Variants in JADE1 observed in about 807,000 individuals in gnomAD.
JADE1 encodes the protein protein Jade-1.
Under a neutral mutation model 81.8 loss-of-function variants are expected in JADE1, and 14 were observed. The observed-to-expected ratio is 0.17, with a 90% CI of 0.11 to 0.27. The LOEUF (loss-of-function observed/expected upper bound fraction) is 0.27, where lower values mean the gene tolerates loss of function less well. JADE1 is among the 10% of genes least tolerant of loss of function. The pLI, the probability that JADE1 is intolerant of heterozygous loss-of-function variation, is 1.00. For missense variants in JADE1, 690 were observed against 1,047.9 expected, an observed-to-expected ratio of 0.66 and a Z score of 4.71; for synonymous variants, 353 against 391.9, an observed-to-expected ratio of 0.90 and a Z score of 1.17.
At chr4:128,810,454 T>G (rs1264879068) in intron 1 of JADE1, 7 of 131,794 alleles carry the variant, frequency 5.3e-5, no homozygotes, top group African/African-American at 2.4e-4. Flanking sequence ...TTATAGGTTT[T>G]TTTTTTTTTT....
In JADE1 at chr4:128,852,228, A is replaced by C; in HGVS notation, c.656A>C (p.Glu219Ala). 6.2e-7 allele frequency: 1 copy of C among 1,614,148 alleles called. No homozygotes were observed. ...CQSPDGEDGN[E>A]MVFCDKCNIC... ...TCTCCTGATGGTGAGGACGGCAATG[A>C]GATGGTGTTCTGTGACAAATGCAAC... Residue 219 changes from glutamate to alanine, a missense_variant, in exon 6 of 11, where the codon GAG becomes GCG. Around this residue, in one of 8 missense-constraint regions of JADE1, gnomAD observed 84 missense variants for 226.6 expected, o/e 0.37. Coordinates refer to ENST00000226319, the MANE Select transcript of JADE1 (RefSeq NM_199320.4).
chr4:128,850,413 GGCTTGCA>G (rs1412287283), intron 5 of JADE1, among the ~76,000 whole-genome samples: 1 of 152,186 alleles, frequency 6.6e-6, no homozygotes, highest in African/African-American at 2.4e-5. Flanking sequence ...CATAGGGTGT[GGCTTGCA>G]GTAGATGCTT....
At chr4:128,826,004 C>T (rs1489883231) in intron 1 of JADE1, among the ~76,000 whole-genome samples, 2 of 152,214 alleles carry the variant, frequency 1.3e-5, no homozygotes, top group African/African-American at 2.4e-5. Flanking sequence ...GGCCAGTGGC[C>T]TTTCCAGGCA....
rs1169982129 is a variant in JADE1, at chr4:128,842,124, T to TACCTCCC, written c.53-828_53-822dup. Among the ~76,000 whole-genome samples the TACCTCCC allele has an allele frequency of 1.1e-3, 168 of 152,326 alleles. 7 individuals carry two copies. Among genetic ancestry groups the TACCTCCC allele is most frequent in the Admixed American group, 0.011 (163 of 15,300 alleles). On this transcript the variant is annotated intron_variant, in intron 2 of 10. Transcript: ENST00000226319. ...CCCCTTAGTCTTCACTAAGTTTGTT[T>TACCTCCC]ACCTCCCGTCCTCTCTTCTTATGGC...
chr4:128,859,439 G>A (rs1415114774), intron 8 of JADE1, among the ~76,000 whole-genome samples: 1 of 151,810 alleles, frequency 6.6e-6, no homozygotes, highest in Non-Finnish European at 1.5e-5. Flanking sequence ...ATGTATGCAT[G>A]TGTGTATGCG....
intron 1 of JADE1, among the ~76,000 whole-genome samples, chr4:128,818,411 A>G (rs1050512343): frequency 2.0e-5 from 3 of 152,114 alleles, no homozygotes; most frequent in Admixed American, 6.5e-5. Context: ...GTGAGCCACC[A>G]TGGCCGGCCA....
chr4:128,836,169 A>G (rs1313607532), intron 2 of JADE1, among the ~76,000 whole-genome samples: 3 of 152,132 alleles, frequency 2.0e-5, no homozygotes, highest in Admixed American at 1.3e-4. Context: ...TCCACTAACT[A>G]CTTTCAGTAC....
At position 128,873,102 on chromosome 4, in the gene JADE1, A is replaced by G. The variant is rs546166975; in HGVS notation, c.*840A>G. 147 of 320,864 alleles carry G rather than the reference A, an allele frequency of 4.6e-4. No individual in the cohort carries two copies. The highest frequency in any genetic ancestry group is 2.1e-3 in the Middle Eastern group (2 of 970). The allele number at this position is 320,864 out of a possible 1,614,324, so 19.9% of individuals were successfully genotyped here. A position where few individuals can be genotyped will look rare whatever the true frequency, so the allele number is the denominator to read the frequency against. On this transcript the variant is annotated 3_prime_UTR_variant, in exon 11 of 11. Coordinates refer to ENST00000226319, the MANE Select transcript of JADE1 (RefSeq NM_199320.4). Reference sequence around the variant, plus strand: ...CTTGGGATTTCCCTGGCCATTGCCAATACCTGGCCATCTGGCTTCCAATAG... The same window carrying G: ...CTTGGGATTTCCCTGGCCATTGCCAGTACCTGGCCATCTGGCTTCCAATAG...
intron 8 of JADE1, among the ~76,000 whole-genome samples, chr4:128,860,839 C>T (rs555562131): frequency 2.3e-4 from 35 of 152,308 alleles, no homozygotes; most frequent in African/African-American, 4.3e-4. Context: ...GGATCTTTCA[C>T]GGTTCTCCTG....
At chr4:128,868,087 TAGACGTTCATATTTAA>T (rs1232651476) in intron 10 of JADE1, 114 bp downstream of exon 10, 6 of 572,954 alleles carry the variant, frequency 1.0e-5, no homozygotes, top group Non-Finnish European at 1.9e-5. Context: ...TTAAGAAGCA[TAGACGTTCATATTTAA>T]AGGAAGTCTT....
chr4:128,859,870 T>C (rs756539627), intron 8 of JADE1, among the ~76,000 whole-genome samples: 23 of 152,238 alleles, frequency 1.5e-4, no homozygotes, highest in Non-Finnish European at 2.6e-4. Flanking sequence ...TTTCATATCT[T>C]CACAGAATGG....
chr4:128,829,109 G>A (rs1164923927), intron 1 of JADE1, among the ~76,000 whole-genome samples: 1 of 152,186 alleles, frequency 6.6e-6, no homozygotes, highest in East Asian at 1.9e-4. Context: ...TTACCTGTCT[G>A]CAGTTGGTGT....
chr4:128,852,724 T>C (rs1730458750), intron 6 of JADE1, among the ~76,000 whole-genome samples: 1 of 152,272 alleles, frequency 6.6e-6, no homozygotes, highest in Non-Finnish European at 1.5e-5. Context: ...ATGTATTGTC[T>C]TGTGGTTCTG....
At chr4:128,849,998 A>G (rs1358792971) in intron 5 of JADE1, among the ~76,000 whole-genome samples, 1 of 152,184 alleles carries the variant, frequency 6.6e-6, no homozygotes, top group Non-Finnish European at 1.5e-5. Flanking sequence ...GACATAGTAA[A>G]TAATCACAAG....
Position 128,872,329 on chromosome 4 carries a change from T to C in JADE1, c.*67T>C. ...GGTTTGCTAGAGGAGAGCTCTGATG[T>C]GGGGGAGAAGCAGAAACCCATTAAT... is the stretch of plus-strand genomic sequence containing the variant. On this transcript the variant is annotated 3_prime_UTR_variant, in exon 11 of 11. Coordinates refer to ENST00000226319, the MANE Select transcript of JADE1 (RefSeq NM_199320.4). 1 of 1,375,278 alleles carries C rather than the reference T, an allele frequency of 7.3e-7. No individual in the cohort carries two copies. Among genetic ancestry groups the C allele is most frequent in the Non-Finnish European group, 1.0e-6 (1 of 993,146 alleles). The allele number at this position is 1,375,278 out of a possible 1,614,324, so 85.2% of individuals were successfully genotyped here.
In JADE1 at chr4:128,846,433, C is replaced by A; in HGVS notation, c.197C>A (p.Pro66Gln). ...MKLHDSYQLN[P>Q]DEYYVLADPW... ...TTGCATGACTCCTACCAGCTGAATC[C>A]GGATGAGTACTATGTGTTGGCAGAT... Residue 66 changes from proline (P) to glutamine (Q), a missense_variant, in exon 4 of 11, where the codon CCG (proline) becomes CAG (glutamine). By Grantham distance (76) the Pro-to-Gln change is moderately conservative. This residue lies in a region of JADE1 where 98 missense variants were observed against 161.3 expected (regional missense o/e 0.61). Transcript: ENST00000226319. This position sits in a 1 kb window ranked among gnomAD's most constrained non-coding sequence, Gnocchi z 4.0. 1 of 1,614,110 alleles carries A rather than the reference C, an allele frequency of 6.2e-7. No homozygotes were observed. Among genetic ancestry groups the A allele is most frequent in the Non-Finnish European group, 8.5e-7 (1 of 1,179,978 alleles).
chr4:128,841,228 T>G (rs146792779), intron 2 of JADE1, among the ~76,000 whole-genome samples: 38 of 152,304 alleles, frequency 2.5e-4, no homozygotes, highest in Middle Eastern at 3.4e-3. Flanking sequence ...CAGTAGGTGT[T>G]CAGGATTGGG....
chr4:128,855,643 T>C lies in JADE1; in HGVS notation c.710T>C (p.Ile237Thr). 1 of 1,612,684 alleles carries C rather than the reference T, an allele frequency of 6.2e-7. No homozygotes were observed. The highest frequency in any genetic ancestry group is 8.5e-7 in the Non-Finnish European group (1 of 1,179,186). Residue 237 changes from isoleucine to threonine, a missense_variant, in exon 7 of 11, where the codon ATC becomes ACC. Physicochemically the swap from Ile to Thr is moderately conservative, Grantham distance 89 (BLOSUM62 -1). Transcript: ENST00000226319. ...NICVHQACYG[I>T]LKVPEGSWLC... Reference sequence around the variant, plus strand: ...GTGGCATCACAGGCCTGTTATGGAATCCTCAAGGTACCAGAGGGCAGCTGG... The same window carrying C: ...GTGGCATCACAGGCCTGTTATGGAACCCTCAAGGTACCAGAGGGCAGCTGG...
Position 128,862,812 on chromosome 4 carries a change from G to T in JADE1, c.1503+587G>T, listed in dbSNP as rs1265833672. The T allele has an allele frequency of 1.5e-5, 15 of 997,418 alleles. No homozygotes were observed. The Admixed American group carries it at 7.9e-4, about 53-fold the overall frequency. 61.8% of individuals were successfully genotyped at this position (997,418 alleles called of 1,614,324 possible). The stretch of plus-strand genomic sequence containing the variant: ...CAGAGCAGGCAGTGGGTGCTGATGT[G>T]TGTGCATGAGCTGTATGTACACATG... On this transcript the variant is annotated intron_variant, in intron 9 of 10. Coordinates refer to ENST00000226319, the MANE Select transcript of JADE1 (RefSeq NM_199320.4).
Sources: allele counts gnomAD v4.1 joint callset (sites outside exome capture counted in the v4.1 genomes callset), GRCh38; gene constraint gnomAD v4.1.1; regional missense constraint gnomAD v4.1.1; non-coding constraint Gnocchi (gnomAD v3.1); transcripts MANE v1.5; gene names NCBI Gene and HGNC (gene_info 2026-07-23, HGNC 2026-07-21).